KDM4C: variants seen among roughly 807,000 people sequenced by gnomAD.
KDM4C encodes lysine demethylase 4C, also known as lysine-specific demethylase 4C.
Under a neutral mutation model 129.3 loss-of-function variants are expected in KDM4C, and 81 were observed. The ratio of observed to expected loss-of-function variants is 0.63; its 90% CI spans 0.52 to 0.75. The LOEUF (loss-of-function observed/expected upper bound fraction) is 0.75. Among genes scored for constraint, KDM4C ranks in the 30% least tolerant of loss-of-function variants. The pLI is 0.00. For missense variants in KDM4C, 1,457 were observed against 1,304.0 expected (o/e 1.12, Z -1.81); for synonymous variants, 573 against 456.1 (o/e 1.26, Z -3.26).
chr9:7,125,336 G>A (rs571336236), intron 18 of KDM4C, among the ~76,000 whole-genome samples: 3 of 152,314 alleles, frequency 2.0e-5, no homozygotes, highest in Admixed American at 6.5e-5. Flanking sequence ...TAGATGGCAT[G>A]CTAGAATGTG....
chr9:6,895,134 A>G (rs1198686478), intron 8 of KDM4C, among the ~76,000 whole-genome samples: 1 of 152,108 alleles, frequency 6.6e-6, no homozygotes, highest in African/African-American at 2.4e-5. Context: ...GTCATCTGAG[A>G]ATATATTAGT....
At chr9:6,778,030 C>G (rs1234895413) in intron 1 of KDM4C, among the ~76,000 whole-genome samples, 1 of 151,508 alleles carries the variant, frequency 6.6e-6, no homozygotes, top group African/African-American at 2.4e-5. Flanking sequence ...AGGGAATCGT[C>G]CTGCCTCAGC....
At position 6,758,281 on chromosome 9, in the gene KDM4C, C is replaced by A; in HGVS notation, c.-18+78C>A. ...GTCTTCCCGGCACTGCCCCCCTCCG[C>A]GTGGGGCACGGGGGTGCGGGCGTCC... On this transcript the variant is annotated intron_variant, in intron 1 of 21. Transcript: ENST00000381309. The surrounding 1 kb of genome is among the most constrained non-coding windows in gnomAD (Gnocchi z 4.6). 7 of 854,656 alleles carry A rather than the reference C, an allele frequency of 8.2e-6. No homozygotes were observed. Among genetic ancestry groups the A allele is most frequent in the Non-Finnish European group, 9.8e-6 (7 of 710,794 alleles). 52.9% of individuals were successfully genotyped at this position (854,656 alleles called of 1,614,324 possible).
At chr9:6,908,382 A>G (rs942391721) in intron 8 of KDM4C, among the ~76,000 whole-genome samples, 1 of 152,242 alleles carries the variant, frequency 6.6e-6, no homozygotes, top group African/African-American at 2.4e-5. Context: ...AGGCACACAC[A>G]GTACAAAAAT....
chr9:6,988,831 A>G (rs778547195), intron 11 of KDM4C, among the ~76,000 whole-genome samples: 6 of 151,864 alleles, frequency 4.0e-5, no homozygotes, highest in Non-Finnish European at 8.8e-5. Flanking sequence ...GTTCCCCTCA[A>G]GTATCACTGT....
chr9:6,721,035 A>G (rs765915894), intron 1 of KDM4C: 2 of 1,524,852 alleles, frequency 1.3e-6, no homozygotes, highest in South Asian at 2.4e-5. Flanking sequence ...GACACTTTGT[A>G]CATAGTTGGT....
At chr9:6,925,040 G>A in intron 8 of KDM4C, 1 of 985,252 alleles carries the variant, frequency 1.0e-6, no homozygotes, top group Non-Finnish European at 1.2e-6. Context: ...TGAACCAGGT[G>A]TATAAGAATG....
intron 17 of KDM4C, among the ~76,000 whole-genome samples, chr9:7,077,853 T>G (rs1282588511): frequency 6.6e-6 from 1 of 152,234 alleles, no homozygotes; most frequent in Non-Finnish European, 1.5e-5. Flanking sequence ...ATGGCATGTC[T>G]GAGCCATGGC....
At chr9:6,982,099 G>C (rs818911) in intron 9 of KDM4C, 1 of 151,758 alleles carries the variant, frequency 6.6e-6, no homozygotes, top group South Asian at 2.1e-4. Context: ...GCTGCAACAT[G>C]ATTTTTAATG....
In KDM4C at chr9:6,792,675, C is replaced by T. The variant is rs184555508; in HGVS notation, c.-17-297C>T. ...GTGCTGAGATTACAGGCGTGAGCCA[C>T]CGCACCCGGCCTAGAAAATTTATTT... On this transcript the variant is annotated intron_variant, in intron 1 of 21. Transcript: ENST00000381309. Among the ~76,000 whole-genome samples the T allele has an allele frequency of 8.7e-3, 1,324 of 152,262 alleles. 11 individuals are homozygous for T. The highest frequency in any genetic ancestry group is 0.014 in the South Asian group (66 of 4,826).
intron 12 of KDM4C, 90 bp downstream of exon 12, chr9:6,990,614 A>T: frequency 1.3e-6 from 1 of 793,066 alleles, no homozygotes. Context: ...TAGAAAAAAA[A>T]TTCAACAAGT....
intron 19 of KDM4C, among the ~76,000 whole-genome samples, chr9:7,159,225 C>G (rs1843517825): frequency 1.3e-5 from 2 of 152,126 alleles, no homozygotes; most frequent in African/African-American, 4.8e-5. Flanking sequence ...CTGTGTGTGT[C>G]TCTGCACATG....
chr9:7,144,220 C>T (rs897260595), intron 19 of KDM4C, among the ~76,000 whole-genome samples: 1 of 151,844 alleles, frequency 6.6e-6, no homozygotes. Flanking sequence ...CAAACTCAAA[C>T]TTTGGGAGGC....
chr9:7,154,398 C>A (rs1238903470), intron 19 of KDM4C, among the ~76,000 whole-genome samples: 4 of 152,232 alleles, frequency 2.6e-5, no homozygotes, highest in African/African-American at 9.6e-5. Context: ...ACGTCTTCAT[C>A]TGGTGCAACT....
At chr9:7,160,251 T>G (rs1449239475) in intron 19 of KDM4C, among the ~76,000 whole-genome samples, 2 of 152,184 alleles carry the variant, frequency 1.3e-5, no homozygotes, top group African/African-American at 4.8e-5. Flanking sequence ...TTCAAGGTTT[T>G]TAGCTTCCTT....
chr9:6,823,362 G>A (rs1183683417), intron 4 of KDM4C, among the ~76,000 whole-genome samples: 1 of 152,186 alleles, frequency 6.6e-6, no homozygotes, highest in East Asian at 1.9e-4. Context: ...GAGCAATTTA[G>A]CCTTTGGATT....
intron 17 of KDM4C, among the ~76,000 whole-genome samples, chr9:7,063,777 C>G (rs1052925478): frequency 6.6e-6 from 1 of 152,152 alleles, no homozygotes; most frequent in African/African-American, 2.4e-5. Context: ...AATGCCTAAT[C>G]TGAGCCCTGG....
chr9:6,926,548 C>G (rs960400895), intron 8 of KDM4C, among the ~76,000 whole-genome samples: 2 of 152,136 alleles, frequency 1.3e-5, no homozygotes. Flanking sequence ...ATTTCCTCCT[C>G]AGTGAGAATC....
intron 14 of KDM4C, among the ~76,000 whole-genome samples, chr9:7,014,769 T>C (rs1357691118): frequency 1.3e-5 from 2 of 152,148 alleles, no homozygotes; most frequent in Non-Finnish European, 2.9e-5. Flanking sequence ...CTCAGAGTAA[T>C]AATTCCTTTG....
Sources: allele counts gnomAD v4.1 joint callset (sites outside exome capture counted in the v4.1 genomes callset), GRCh38; gene constraint gnomAD v4.1.1; non-coding constraint Gnocchi (gnomAD v3.1); transcripts MANE v1.5; gene names NCBI Gene and HGNC (gene_info 2026-07-23, HGNC 2026-07-21).